The following CSMD1 variants were observed in gnomAD, a reference collection of about 807,000 sequenced individuals.
CSMD1 encodes the protein CUB and sushi domain-containing protein 1.
In CSMD1, 213 loss-of-function variants were observed where a neutral mutation model predicts 417.5. The observed-to-expected ratio is 0.51, with a 90% CI of 0.46 to 0.57. The LOEUF is 0.57. Among genes scored for constraint, CSMD1 ranks in the 20% least tolerant of loss-of-function variants. CSMD1 has a pLI of 0.00. For missense variants in CSMD1, 6,923 were observed against 4,529.7 expected, an observed-to-expected ratio of 1.53 and a Z score of -15.17; for synonymous variants, 2,862 against 1,736.8, an observed-to-expected ratio of 1.65 and a Z score of -16.11.
At chr8:4,813,367 C>A (rs1799016197) in intron 1 of CSMD1, among the ~76,000 whole-genome samples, 1 of 152,008 alleles carries the variant, frequency 6.6e-6, no homozygotes. Context: ...ATTAATAGAA[C>A]ATAAAGCTGC....
intron 2 of CSMD1, among the ~76,000 whole-genome samples, chr8:4,522,381 C>T (rs1360408192): frequency 2.6e-5 from 4 of 152,140 alleles, no homozygotes; most frequent in Non-Finnish European, 5.9e-5. Context: ...ATGCCTTTAT[C>T]AGCAGCGTTA....
intron 1 of CSMD1, among the ~76,000 whole-genome samples, chr8:4,805,634 C>T (rs1424791415): frequency 1.3e-5 from 2 of 152,162 alleles, no homozygotes; most frequent in Admixed American, 6.5e-5. Context: ...TTACCTAGTG[C>T]TTGTGAACCA....
intron 5 of CSMD1, among the ~76,000 whole-genome samples, chr8:3,818,244 T>G (rs556594352): frequency 6.6e-6 from 1 of 152,106 alleles, no homozygotes; most frequent in African/African-American, 2.4e-5. Flanking sequence ...AGCCCCTGGG[T>G]CCGTGCAGCA....
At chr8:4,533,407 C>A (rs900791224) in intron 2 of CSMD1, among the ~76,000 whole-genome samples, 1 of 152,034 alleles carries the variant, frequency 6.6e-6, no homozygotes, top group Non-Finnish European at 1.5e-5. Context: ...CCAGGATGGA[C>A]GGACAAAAAA....
At chr8:4,808,301 T>A (rs1337110061) in intron 1 of CSMD1, among the ~76,000 whole-genome samples, 3 of 152,164 alleles carry the variant, frequency 2.0e-5, no homozygotes, top group East Asian at 1.9e-4. Flanking sequence ...ATTATTTGCT[T>A]TAAAGAAAGT....
intron 1 of CSMD1, among the ~76,000 whole-genome samples, chr8:4,893,773 G>A (rs901547137): frequency 2.0e-5 from 3 of 152,090 alleles, no homozygotes; most frequent in Admixed American, 2.0e-4. Context: ...TGCTTTCAGA[G>A]CCAATGTCAC....
At chr8:4,420,840 G>A (rs1266961771) in intron 2 of CSMD1, among the ~76,000 whole-genome samples, 1 of 152,150 alleles carries the variant, frequency 6.6e-6, no homozygotes, top group Non-Finnish European at 1.5e-5. Context: ...TATTTTTTAT[G>A]TTATAAAATC....
intron 5 of CSMD1, among the ~76,000 whole-genome samples, chr8:3,923,882 G>C (rs1171734245): frequency 1.3e-5 from 2 of 152,088 alleles, no homozygotes; most frequent in African/African-American, 2.4e-5. Flanking sequence ...TTCTTTGCTT[G>C]TAGCTATTTT....
At chr8:3,682,628 G>C (rs148737272) in intron 7 of CSMD1, among the ~76,000 whole-genome samples, 2,993 of 152,296 alleles carry the variant, frequency 0.02, 108 homozygotes, top group African/African-American at 0.068. Flanking sequence ...GTGGAAGACA[G>C]TGTGGTGATT....
intron 3 of CSMD1, among the ~76,000 whole-genome samples, chr8:4,185,227 C>T (rs1235373409): frequency 1.3e-5 from 2 of 151,266 alleles, no homozygotes; most frequent in African/African-American, 4.9e-5. Context: ...TGGGAACCTG[C>T]TTTCTTGCCT....
At chr8:3,438,268 G>A (rs1814704921) in intron 12 of CSMD1, among the ~76,000 whole-genome samples, 1 of 152,168 alleles carries the variant, frequency 6.6e-6, no homozygotes, top group South Asian at 2.1e-4. Flanking sequence ...AAGATCTTGT[G>A]TAACCTTCGT....
intron 49 of CSMD1, among the ~76,000 whole-genome samples, chr8:3,063,583 T>G (rs1377794744): frequency 6.6e-6 from 1 of 152,220 alleles, no homozygotes; most frequent in Non-Finnish European, 1.5e-5. Context: ...GCAATCGAAG[T>G]GTCTGCCAAG....
At chr8:3,969,417 GC>G (rs1259082420) in intron 5 of CSMD1, among the ~76,000 whole-genome samples, 4 of 152,138 alleles carry the variant, frequency 2.6e-5, no homozygotes, top group African/African-American at 9.7e-5. Context: ...CCTCTTCCAT[GC>G]AGCAGCCTGG....
intron 1 of CSMD1, among the ~76,000 whole-genome samples, chr8:4,821,423 T>G (rs926117596): frequency 3.3e-5 from 5 of 152,128 alleles, no homozygotes; most frequent in African/African-American, 1.2e-4. Flanking sequence ...AGTGTTTTGA[T>G]AGAAAATTAA....
chr8:4,158,857 G>T (rs757447047), intron 3 of CSMD1, among the ~76,000 whole-genome samples: 1 of 152,160 alleles, frequency 6.6e-6, no homozygotes, highest in African/African-American at 2.4e-5. Context: ...TTCAGAATCT[G>T]AAATCTCAAG....
At chr8:4,041,124 C>T (rs1233665011) in intron 3 of CSMD1, among the ~76,000 whole-genome samples, 1 of 147,552 alleles carries the variant, frequency 6.8e-6, no homozygotes, top group Admixed American at 6.9e-5. Context: ...TCCCGCCATT[C>T]TCCTGCCTCA....
chr8:3,683,895 A>T (rs1278501167), intron 7 of CSMD1, among the ~76,000 whole-genome samples: 1 of 151,996 alleles, frequency 6.6e-6, no homozygotes, highest in Non-Finnish European at 1.5e-5. Context: ...TTTGATGTTT[A>T]TTGATTTCAA....
Position 4,317,577 on chromosome 8 carries a change from G to C in CSMD1, c.415+102376C>G, listed in dbSNP as rs565229500. Among the ~76,000 whole-genome samples, 192 of 151,926 alleles carry C rather than the reference G, an allele frequency of 1.3e-3. 1 individual carries two copies. The highest frequency in any genetic ancestry group is 4.5e-3 in the African/African-American group (186 of 41,398). Reference sequence around the variant, plus strand: ...TTTAAAGTGTCCAAGTTAAGTGTCAGTACTCAAGAGAGAGAGAGGAGAGAG... The same window carrying C: ...TTTAAAGTGTCCAAGTTAAGTGTCACTACTCAAGAGAGAGAGAGGAGAGAG... On this transcript the variant is annotated intron_variant, in intron 3 of 69. Coordinates refer to ENST00000635120, the MANE Select transcript of CSMD1 (RefSeq NM_033225.6).
intron 3 of CSMD1, among the ~76,000 whole-genome samples, chr8:4,078,890 ATAATAAATATATATATATATATAT>A (rs1735279156): frequency 8.6e-6 from 1 of 115,726 alleles, no homozygotes; most frequent in Non-Finnish European, 1.7e-5. Context: ...AATAATAATA[ATAATAAATATATATATATATATAT>A]ATATATATAT....
Sources: gnomAD v4.1 joint callset for allele counts (sites outside exome capture counted in the v4.1 genomes callset) on GRCh38, gnomAD v4.1.1 for gene constraint, MANE v1.5 for transcripts, NCBI Gene and HGNC (gene_info 2026-07-23, HGNC 2026-07-21) for gene names.